Variants in TNS1 observed in about 807,000 individuals in gnomAD.
TNS1 encodes the protein tensin-1.
TNS1 carries 62 observed loss-of-function variants against 168.6 expected under a neutral mutation model. The ratio of observed to expected loss-of-function variants is 0.37; its 90% CI spans 0.30 to 0.45. TNS1 has a LOEUF of 0.45. Ranked by LOEUF, TNS1 falls within the 20% of genes least tolerant of loss-of-function variation. TNS1 has a pLI of 1.00. For synonymous variants in TNS1, 934 were observed against 933.2 expected, an observed-to-expected ratio of 1.00 and a Z score of -0.02; for missense variants, 2,240 against 2,339.4, an observed-to-expected ratio of 0.96 and a Z score of 0.88.
intron 3 of TNS1, among the ~76,000 whole-genome samples, chr2:217,946,328 AT>A (rs910038636): frequency 2.0e-5 from 3 of 152,072 alleles, no homozygotes; most frequent in Admixed American, 6.5e-5. Context: ...TATGGCTCCC[AT>A]TTTTGGAACG....
chr2:218,023,614 T>G (rs537252758), intron 1 of TNS1, among the ~76,000 whole-genome samples: 1 of 152,324 alleles, frequency 6.6e-6, no homozygotes, highest in East Asian at 1.9e-4. Flanking sequence ...ACCTACTTCA[T>G]GCTGGGAACT....
intron 3 of TNS1, among the ~76,000 whole-genome samples, chr2:217,954,531 G>A (rs946651683): frequency 2.0e-5 from 3 of 152,162 alleles, no homozygotes; most frequent in East Asian, 3.9e-4. Flanking sequence ...ACAGGAAACC[G>A]AGCTTTGAAG....
At chr2:217,951,170 C>T (rs948958944) in intron 3 of TNS1, among the ~76,000 whole-genome samples, 9 of 152,292 alleles carry the variant, frequency 5.9e-5, no homozygotes, top group Non-Finnish European at 1.0e-4. Flanking sequence ...GGAAGTGCAC[C>T]GACCACATCT....
intron 3 of TNS1, among the ~76,000 whole-genome samples, chr2:217,924,275 AC>A (rs371596258): frequency 2.9e-4 from 44 of 150,924 alleles, no homozygotes; most frequent in African/African-American, 1.1e-3. Context: ...CACCCCAGAG[AC>A]CCTCCCTAAT....
intron 22 of TNS1, among the ~76,000 whole-genome samples, chr2:217,828,477 CA>C (rs1369251152): frequency 6.6e-6 from 1 of 152,214 alleles, no homozygotes; most frequent in Non-Finnish European, 1.5e-5. Flanking sequence ...ACACCTAACC[CA>C]TCAGAACTGG....
At position 217,804,461 on chromosome 2, in the gene TNS1, A is replaced by G; in HGVS notation, c.5518T>C (p.Ter1840ArgextTer23). 6.2e-7 allele frequency: 1 copy of G among 1,614,016 alleles called. No individual in the cohort carries two copies. The highest frequency in any genetic ancestry group is 8.5e-7 in the Non-Finnish European group (1 of 1,179,966). ...KVMLNAGQKR[*>R] ...TGGCCCTGGGCAAGGGGCAGGGTTCATCTCTTTTGGCCGGCATTCAGCATG... is the reference window on the plus strand; with the variant it reads ...TGGCCCTGGGCAAGGGGCAGGGTTCGTCTCTTTTGGCCGGCATTCAGCATG... The change falls in exon 33 of 33, where the codon TGA becomes CGA. Residue 1840 changes from the stop codon to arginine, a stop_lost. Transcript: ENST00000682258.
At chr2:217,968,758 A>C (rs986050090) in intron 3 of TNS1, among the ~76,000 whole-genome samples, 12 of 152,166 alleles carry the variant, frequency 7.9e-5, no homozygotes, top group Admixed American at 2.0e-4. Flanking sequence ...GCAGTGGAGC[A>C]ATCTCAGCTC....
Position 217,842,042 on chromosome 2 carries a change from G to A in TNS1, c.3007+5468C>T, listed in dbSNP as rs908256859. ...CCCTGCCCTGGCCCCCAGAGTTCAAGCTATGTTACCTTTCCTCTCCTTCAC... is the reference window on the plus strand; with the variant it reads ...CCCTGCCCTGGCCCCCAGAGTTCAAACTATGTTACCTTTCCTCTCCTTCAC... On this transcript the variant is annotated intron_variant, in intron 19 of 32. Coordinates refer to ENST00000682258, the MANE Select transcript of TNS1 (RefSeq NM_001387777.1). The A allele has an allele frequency of 3.7e-5, 26 of 702,540 alleles. 1 individual carries two copies. The highest frequency in any genetic ancestry group is 4.6e-4 in the Middle Eastern group (2 of 4,386). 43.5% of individuals were successfully genotyped at this position (702,540 alleles called of 1,614,324 possible).
intron 22 of TNS1, 35 bp from the exon 23 acceptor site, chr2:217,821,973 A>G: frequency 6.4e-7 from 1 of 1,550,614 alleles, no homozygotes; most frequent in Non-Finnish European, 8.7e-7. Context: ...CACTGAGCAC[A>G]GATGCACAGG....
chr2:217,848,014 C>G lies in TNS1; in HGVS notation c.2503G>C (p.Glu835Gln), dbSNP rs200562336. ...TCCAGCATCAGCATATTGAGTGTTT[C>G]GATGGACTGTTCAATCTCCTGCTGG... ...ASQQEIEQSI[E>Q]TLNMLMLDLE... is the part of the protein sequence containing the mutation. Residue 835 changes from glutamate (E) to glutamine (Q), a missense_variant, in exon 19 of 33, where the codon GAA becomes CAA. Glu to Gln is a conservative substitution (Grantham distance 29). Around this residue, in one of 2 missense-constraint regions of TNS1, gnomAD observed 2,131 missense variants for 2,171.2 expected, o/e 0.98. Coordinates refer to ENST00000682258, the MANE Select transcript of TNS1 (RefSeq NM_001387777.1). 2.0e-6 allele frequency: 3 copies of G among 1,518,590 alleles called. No individual in the cohort carries two copies. Among genetic ancestry groups the G allele is most frequent in the African/African-American group, 2.8e-5 (2 of 72,126 alleles). 94.1% of individuals were successfully genotyped at this position (1,518,590 alleles called of 1,614,324 possible). A position where few individuals can be genotyped will look rare whatever the true frequency, so the allele number is the denominator to read the frequency against.
chr2:217,911,640 G>A (rs987435242), intron 4 of TNS1, among the ~76,000 whole-genome samples: 6 of 152,126 alleles, frequency 3.9e-5, no homozygotes, highest in East Asian at 1.9e-4. Flanking sequence ...CCTGGGAGGC[G>A]AGCATTACCG....
intron 2 of TNS1, among the ~76,000 whole-genome samples, chr2:217,983,194 T>C (rs762974619): frequency 1.6e-4 from 25 of 152,260 alleles, no homozygotes; most frequent in South Asian, 4.1e-4. Flanking sequence ...GATGGGGACA[T>C]GCAGGGAGAA....
At chr2:217,960,222 G>A (rs748508583) in intron 3 of TNS1, among the ~76,000 whole-genome samples, 1 of 152,134 alleles carries the variant, frequency 6.6e-6, no homozygotes, top group Non-Finnish European at 1.5e-5. Flanking sequence ...CATTTACAAA[G>A]CTCTTCACAG....
At chr2:217,918,841 C>T (rs1188106996) in intron 4 of TNS1, among the ~76,000 whole-genome samples, 3 of 152,118 alleles carry the variant, frequency 2.0e-5, no homozygotes, top group African/African-American at 7.2e-5. Context: ...GCACTCCACC[C>T]CCCAGCCCCC....
At chr2:217,996,189 C>A (rs1469979771) in intron 1 of TNS1, among the ~76,000 whole-genome samples, 2 of 152,184 alleles carry the variant, frequency 1.3e-5, no homozygotes, top group African/African-American at 2.4e-5. Context: ...CTCCCACAAG[C>A]CTTCCTGTGG....
chr2:218,028,886 C>T (rs1280850184), intron 1 of TNS1, among the ~76,000 whole-genome samples: 1 of 152,352 alleles, frequency 6.6e-6, no homozygotes, highest in Non-Finnish European at 1.5e-5. Flanking sequence ...CTGAAGATGG[C>T]AGCCTATACT....
intron 18 of TNS1, among the ~76,000 whole-genome samples, chr2:217,857,878 TA>T (rs956854168): frequency 1.2e-4 from 18 of 152,108 alleles, no homozygotes; most frequent in African/African-American, 4.1e-4. Flanking sequence ...ATGGTAAAAA[TA>T]GCTCCAGAGC....
chr2:217,908,087 T>C (rs558925013), intron 4 of TNS1, among the ~76,000 whole-genome samples: 10 of 152,332 alleles, frequency 6.6e-5, no homozygotes, highest in Admixed American at 3.3e-4. Context: ...GTGATTCTTA[T>C]TCCACCTTCA....
intron 9 of TNS1, 63 bp from the exon 10 acceptor site, chr2:217,893,624 G>T: frequency 6.5e-7 from 1 of 1,540,078 alleles, no homozygotes; most frequent in Non-Finnish European, 8.8e-7. Flanking sequence ...AAGCCAGCGG[G>T]AGCCACCTAC....
Sources: allele counts gnomAD v4.1 joint callset (sites outside exome capture counted in the v4.1 genomes callset), GRCh38; gene constraint gnomAD v4.1.1; regional missense constraint gnomAD v4.1.1; transcripts MANE v1.5; gene names NCBI Gene and HGNC (gene_info 2026-07-23, HGNC 2026-07-21).